Variants in CACNA1E observed in about 807,000 individuals in gnomAD.
CACNA1E encodes the protein calcium voltage-gated channel subunit alpha1 E.
In CACNA1E, 40 loss-of-function variants were observed where a neutral mutation model predicts 259.2. The ratio of observed to expected loss-of-function variants is 0.15; its 90% CI spans 0.12 to 0.20. The LOEUF (loss-of-function observed/expected upper bound fraction) is 0.20. CACNA1E is among the 10% of genes least tolerant of loss of function. The pLI, the probability that CACNA1E is intolerant of heterozygous loss-of-function variation, is 1.00. For missense variants in CACNA1E, 1,874 were observed against 3,040.1 expected, an observed-to-expected ratio of 0.62 and a Z score of 9.02; for synonymous variants, 1,104 against 1,138.5, an observed-to-expected ratio of 0.97 and a Z score of 0.61.
intron 38 of CACNA1E, among the ~76,000 whole-genome samples, chr1:181,780,471 G>A (rs1343581212): frequency 2.6e-5 from 4 of 152,162 alleles, no homozygotes; most frequent in Non-Finnish European, 4.4e-5. Flanking sequence ...TGGGCTCCCT[G>A]GGGCATAGCA....
At chr1:181,527,078 A>G (rs12045780) in intron 3 of CACNA1E, among the ~76,000 whole-genome samples, 2,184 of 152,344 alleles carry the variant, frequency 0.014, 72 homozygotes, top group East Asian at 0.14. Context: ...TCTAGAACAT[A>G]CTAAATCTTG....
intron 2 of CACNA1E, among the ~76,000 whole-genome samples, chr1:181,471,553 ACTC>A (rs1662508835): frequency 6.6e-6 from 1 of 151,038 alleles, no homozygotes; most frequent in Non-Finnish European, 1.5e-5. Context: ...TTAACTTAAT[ACTC>A]TTTTGGTTGA....
At position 181,568,219 on chromosome 1, in the gene CACNA1E, G is replaced by T. The variant is rs577870945; in HGVS notation, c.513-9547G>T. On this transcript the variant is annotated intron_variant, in intron 3 of 47. Transcript: ENST00000367573. The stretch of plus-strand genomic sequence containing the variant: ...TACGAATCTACATTCACCCACAGGG[G>T]AGTCTGGAGAGCTGCCTGGCCTCCC... Among the ~76,000 whole-genome samples, 6 of 152,246 alleles carry T rather than the reference G, an allele frequency of 3.9e-5. No homozygotes were observed. In the South Asian group the frequency reaches 1.2e-3, roughly 32 times the overall value.
rs545622227 is a variant in CACNA1E, at chr1:181,484,901, A to G, written c.266+891A>G. Among the ~76,000 whole-genome samples the G allele has an allele frequency of 2.0e-5, 3 of 152,336 alleles. No homozygotes were observed. In the East Asian group the frequency reaches 5.8e-4, roughly 29 times the overall value. The stretch of plus-strand genomic sequence containing the variant: ...TCTCCCCAAAGCACTGGTGGGGGCC[A>G]TCTCTGATGGTGGTGGTGTCAGGGT... On this transcript the variant is annotated intron_variant, in intron 1 of 47. Coordinates refer to ENST00000367573, the MANE Select transcript of CACNA1E (RefSeq NM_001205293.3).
At chr1:181,769,717 T>G (rs1384197756) in intron 35 of CACNA1E, among the ~76,000 whole-genome samples, 1 of 152,218 alleles carries the variant, frequency 6.6e-6, no homozygotes, top group Non-Finnish European at 1.5e-5. Context: ...CATAATGAAT[T>G]CAACTCATGA....
At chr1:181,616,720 C>A (rs1382565174) in intron 6 of CACNA1E, among the ~76,000 whole-genome samples, 2 of 150,938 alleles carry the variant, frequency 1.3e-5, no homozygotes, top group Admixed American at 1.3e-4. Context: ...CTCAAAAAAA[C>A]AAAACAAAAC....
intron 17 of CACNA1E, 125 bp downstream of exon 17, chr1:181,724,662 A>G (rs1433647253): frequency 2.7e-6 from 2 of 728,244 alleles, no homozygotes; most frequent in East Asian, 5.5e-5. Flanking sequence ...CTTTCTGGAA[A>G]CTTCTGGACA....
At chr1:181,425,936 C>T (rs550445582) in intron 2 of CACNA1E, among the ~76,000 whole-genome samples, 1 of 152,288 alleles carries the variant, frequency 6.6e-6, no homozygotes, top group East Asian at 1.9e-4. Context: ...TCCCACTACT[C>T]AGCCTCACTG....
At chr1:181,380,371 A>G (rs955121309) in intron 1 of CACNA1E, among the ~76,000 whole-genome samples, 1 of 152,152 alleles carries the variant, frequency 6.6e-6, no homozygotes, top group Non-Finnish European at 1.5e-5. Flanking sequence ...AAGAAAGAAG[A>G]GCAAAGTAAA....
At chr1:181,331,983 G>C (rs1289027064) in intron 1 of CACNA1E, among the ~76,000 whole-genome samples, 4 of 152,114 alleles carry the variant, frequency 2.6e-5, no homozygotes, top group Non-Finnish European at 5.9e-5. Flanking sequence ...ATCAATTATA[G>C]ACTAGATAAA....
chr1:181,454,114 T>A (rs1661316545), intron 2 of CACNA1E, among the ~76,000 whole-genome samples: 1 of 152,016 alleles, frequency 6.6e-6, no homozygotes, highest in Admixed American at 6.6e-5. Flanking sequence ...CATTAGATAG[T>A]ACCTCATTAC....
intron 7 of CACNA1E, among the ~76,000 whole-genome samples, chr1:181,692,790 C>T (rs750060350): frequency 6.6e-6 from 1 of 151,908 alleles, no homozygotes; most frequent in Non-Finnish European, 1.5e-5. Context: ...AAACAATTGA[C>T]AAGTGGGACC....
intron 7 of CACNA1E, among the ~76,000 whole-genome samples, chr1:181,659,031 C>T (rs1290315006): frequency 1.3e-5 from 2 of 152,000 alleles, no homozygotes; most frequent in Admixed American, 1.3e-4. Flanking sequence ...GGATTTAATT[C>T]AGAAGCAGCC....
intron 43 of CACNA1E, among the ~76,000 whole-genome samples, chr1:181,790,231 A>G (rs1007651876): frequency 2.6e-5 from 4 of 151,766 alleles, no homozygotes; most frequent in African/African-American, 9.7e-5. Context: ...CGGCAGAATA[A>G]TGAATGGTTT....
chr1:181,349,624 G>A (rs1463981691), intron 1 of CACNA1E, among the ~76,000 whole-genome samples: 4 of 152,130 alleles, frequency 2.6e-5, no homozygotes, highest in Non-Finnish European at 5.9e-5. Flanking sequence ...AAGAGGCGGG[G>A]CTGGGCCTGA....
intron 18 of CACNA1E, among the ~76,000 whole-genome samples, chr1:181,726,908 C>T (rs1043676981): frequency 6.6e-6 from 1 of 151,968 alleles, no homozygotes; most frequent in African/African-American, 2.4e-5. Context: ...ATAGGATGAG[C>T]TCATGGATTA....
chr1:181,714,077 A>G (rs1653655860), intron 8 of CACNA1E, among the ~76,000 whole-genome samples: 1 of 152,200 alleles, frequency 6.6e-6, no homozygotes, highest in Non-Finnish European at 1.5e-5. Flanking sequence ...ACCTCAAATT[A>G]GCATAGACCC....
intron 8 of CACNA1E, 148 bp from the exon 9 acceptor site, chr1:181,715,190 C>CT (rs1653771603): frequency 1.6e-6 from 1 of 619,932 alleles, no homozygotes; most frequent in Admixed American, 2.6e-5. Context: ...GTGACACTTG[C>CT]TTTCTTTCTG....
chr1:181,646,666 G>T (rs938987968), intron 6 of CACNA1E, among the ~76,000 whole-genome samples: 4 of 152,174 alleles, frequency 2.6e-5, no homozygotes, highest in Non-Finnish European at 4.4e-5. Flanking sequence ...GCTGGGGGCT[G>T]GGCCCTGCCT....
Sources: allele counts gnomAD v4.1 joint callset (sites outside exome capture counted in the v4.1 genomes callset), GRCh38; gene constraint gnomAD v4.1.1; transcripts MANE v1.5; gene names NCBI Gene and HGNC (gene_info 2026-07-23, HGNC 2026-07-21).